TBL1XR1: variants seen among roughly 807,000 people sequenced by gnomAD.
The protein encoded by TBL1XR1 is F-box-like/WD repeat-containing protein TBL1XR1.
In TBL1XR1, 5 loss-of-function variants were observed where a neutral mutation model predicts 66.9. That is an observed-to-expected ratio of 0.07 (90% CI 0.04 to 0.16). TBL1XR1 has a LOEUF of 0.16. TBL1XR1 is among the 10% of genes least tolerant of loss of function. TBL1XR1 has a pLI of 1.00. For missense variants in TBL1XR1, 238 were observed against 623.2 expected (o/e 0.38, Z 6.58); for synonymous variants, 210 against 206.0 (o/e 1.02, Z -0.17).
At chr3:177,126,907 T>C (rs553951992) in intron 1 of TBL1XR1, among the ~76,000 whole-genome samples, 4 of 151,926 alleles carry the variant, frequency 2.6e-5, no homozygotes, top group African/African-American at 7.2e-5. Context: ...ACGGTTGTAA[T>C]ATTTAACCAT....
At chr3:177,070,690 A>G (rs1719861505) in intron 2 of TBL1XR1, among the ~76,000 whole-genome samples, 1 of 152,078 alleles carries the variant, frequency 6.6e-6, no homozygotes, top group Non-Finnish European at 1.5e-5. Context: ...CTCTACTAAA[A>G]TACAAAAATT....
intron 1 of TBL1XR1, among the ~76,000 whole-genome samples, chr3:177,102,684 C>T (rs538028733): frequency 2.6e-5 from 4 of 152,196 alleles, no homozygotes; most frequent in Non-Finnish European, 5.9e-5. Context: ...CACAGCAGAT[C>T]ACTGTGTGCA....
intron 2 of TBL1XR1, among the ~76,000 whole-genome samples, chr3:177,073,880 T>C (rs1487430581): frequency 6.6e-6 from 1 of 152,214 alleles, no homozygotes; most frequent in East Asian, 1.9e-4. Flanking sequence ...ACTTGTATTG[T>C]AGAAGGTGCC....
chr3:177,141,380 GAAGTT>G (rs1180265421), intron 1 of TBL1XR1, among the ~76,000 whole-genome samples: 2 of 152,156 alleles, frequency 1.3e-5, no homozygotes, highest in African/African-American at 2.4e-5. Context: ...ATACCAAGTA[GAAGTT>G]AAGAACAAAA....
chr3:177,112,860 G>A lies in TBL1XR1; in HGVS notation c.-121-14319C>T, dbSNP rs116867600. On this transcript the variant is annotated intron_variant, in intron 1 of 15. Transcript: ENST00000457928. ...TCTACTAAAAATACAAAAATTAGTC[G>A]GGCGTGGTACCATGTGCCTGGAGTC... Among the ~76,000 whole-genome samples, 128 of 152,042 alleles carry A rather than the reference G, an allele frequency of 8.4e-4. 1 individual carries two copies. The East Asian group carries it at 0.023, about 27-fold the overall frequency.
At chr3:177,078,453 C>CT (rs780324832) in intron 2 of TBL1XR1, among the ~76,000 whole-genome samples, 2 of 151,496 alleles carry the variant, frequency 1.3e-5, no homozygotes, top group Non-Finnish European at 2.9e-5. Context: ...GGTATGGTGG[C>CT]ATGAACCTGT....
At chr3:177,153,126 T>C (rs186442334) in intron 1 of TBL1XR1, among the ~76,000 whole-genome samples, 87 of 151,944 alleles carry the variant, frequency 5.7e-4, no homozygotes, top group African/African-American at 1.9e-3. Context: ...CAGAGTGAAA[T>C]AGTGTCTCAA....
chr3:177,149,231 C>T (rs1277862532), intron 1 of TBL1XR1, among the ~76,000 whole-genome samples: 1 of 152,136 alleles, frequency 6.6e-6, no homozygotes, highest in African/African-American at 2.4e-5. Flanking sequence ...TGCAATCAAA[C>T]TGAGTGTCTA....
At chr3:177,049,651 GTTA>G (rs1716786252) in intron 7 of TBL1XR1, among the ~76,000 whole-genome samples, 2 of 152,132 alleles carry the variant, frequency 1.3e-5, no homozygotes, top group African/African-American at 4.8e-5. Context: ...TATGTTGTTT[GTTA>G]TTATGGTAAG....
At chr3:177,121,371 T>G (rs1189770122) in intron 1 of TBL1XR1, among the ~76,000 whole-genome samples, 2 of 152,154 alleles carry the variant, frequency 1.3e-5, no homozygotes, top group African/African-American at 2.4e-5. Context: ...TTTGTCATAA[T>G]AAAAATTTAA....
chr3:177,159,163 AAAAG>A (rs1731871125), intron 1 of TBL1XR1, among the ~76,000 whole-genome samples: 1 of 152,188 alleles, frequency 6.6e-6, no homozygotes, highest in Non-Finnish European at 1.5e-5. Context: ...GGTAAAAAAA[AAAAG>A]AGAGAAATCA....
chr3:177,019,835 G>A lies in TBL1XR1; in HGVS notation c.*5663C>T, dbSNP rs1008783102. ...GGATATTACTAATAATCTATGCCAT[G>A]CAATAAAAGTTAACCCCTTGAAAAT... On this transcript the variant is annotated 3_prime_UTR_variant, in exon 16 of 16. Coordinates refer to ENST00000457928, the MANE Select transcript of TBL1XR1 (RefSeq NM_024665.7). The A allele has an allele frequency of 6.6e-6, 1 of 152,028 alleles. No individual in the cohort carries two copies. Among genetic ancestry groups the A allele is most frequent in the Non-Finnish European group, 1.5e-5 (1 of 67,994 alleles). 9.4% of individuals were successfully genotyped at this position (152,028 alleles called of 1,614,324 possible). A position where few individuals can be genotyped will look rare whatever the true frequency, so the allele number is the denominator to read the frequency against.
At chr3:177,145,242 C>T (rs1031136577) in intron 1 of TBL1XR1, among the ~76,000 whole-genome samples, 3 of 152,168 alleles carry the variant, frequency 2.0e-5, no homozygotes. Context: ...AAATCTGACC[C>T]ACTGTGTTTT....
chr3:177,201,679 G>A (rs1319781028), upstream of TBL1XR1: 1 of 152,040 alleles, frequency 6.6e-6, no homozygotes, highest in African/African-American at 2.4e-5. Flanking sequence ...GTATAAAAAA[G>A]ACATTTGATA....
chr3:177,193,840 T>C (rs1330470047), intron 1 of TBL1XR1, among the ~76,000 whole-genome samples: 1 of 152,244 alleles, frequency 6.6e-6, no homozygotes, highest in Admixed American at 6.5e-5. Context: ...CAGGTTTGAA[T>C]CCTAGTGTTC....
chr3:177,135,847 T>TA (rs545315138), intron 1 of TBL1XR1, among the ~76,000 whole-genome samples: 3 of 151,682 alleles, frequency 2.0e-5, no homozygotes, highest in South Asian at 4.2e-4. Context: ...GTTTTTTTTT[T>TA]AAACCATGTA....
upstream of TBL1XR1, among the ~76,000 whole-genome samples, chr3:177,199,737 A>G (rs565962424): frequency 6.6e-6 from 1 of 152,212 alleles, no homozygotes; most frequent in African/African-American, 2.4e-5. Flanking sequence ...TGAAGTTCTT[A>G]TACCCTACAC....
At chr3:177,172,633 AAGAGAGAG>A (rs56803746) in intron 1 of TBL1XR1, among the ~76,000 whole-genome samples, 18 of 117,632 alleles carry the variant, frequency 1.5e-4, no homozygotes, top group African/African-American at 5.9e-4. Context: ...AGAAAGAGAG[AAGAGAGAG>A]AGAGAGAAAG....
At chr3:177,072,199 A>G (rs575825563) in intron 2 of TBL1XR1, among the ~76,000 whole-genome samples, 2 of 152,354 alleles carry the variant, frequency 1.3e-5, no homozygotes, top group African/African-American at 2.4e-5. Flanking sequence ...ACGGTATTCT[A>G]TTATACTAAT....
Sources: allele counts gnomAD v4.1 joint callset (sites outside exome capture counted in the v4.1 genomes callset), GRCh38; gene constraint gnomAD v4.1.1; transcripts MANE v1.5; gene names NCBI Gene and HGNC (gene_info 2026-07-23, HGNC 2026-07-21).